The following CALHM5 variants were observed in gnomAD, a reference collection of about 807,000 sequenced individuals.
CALHM5 encodes the protein calcium homeostasis modulator protein 5.
Under a neutral mutation model 20.9 loss-of-function variants are expected in CALHM5, and 17 were observed. The ratio of observed to expected loss-of-function variants is 0.82; its 90% confidence interval spans 0.56 to 1.22. The LOEUF is 1.22. Ranked by LOEUF, CALHM5 falls within the 50% of genes most tolerant of loss-of-function variation. The probability of loss-of-function intolerance (pLI) is 0.00; values close to 1 mark genes in which losing one functional copy is unlikely to be tolerated. For missense variants in CALHM5, 360 were observed against 364.6 expected, an observed-to-expected ratio of 0.99 and a Z score of 0.10; for synonymous variants, 148 against 140.0, an observed-to-expected ratio of 1.06 and a Z score of -0.40.
intron 1 of CALHM5, 109 bp from the exon 2 acceptor site, chr6:116,515,491 G>A (rs1221007100): frequency 5.4e-6 from 6 of 1,108,298 alleles, no homozygotes; most frequent in African/African-American, 1.6e-5. Flanking sequence ...TTCAAATGAG[G>A]TATGTCAAAG....
chr6:116,514,063 A>G (rs1203047529), intron 1 of CALHM5, among the ~76,000 whole-genome samples: 1 of 152,202 alleles, frequency 6.6e-6, no homozygotes, highest in African/African-American at 2.4e-5. Flanking sequence ...CAATGAGGAA[A>G]ACTGCCATGG....
At chr6:116,514,566 C>T (rs543275373) in intron 1 of CALHM5, among the ~76,000 whole-genome samples, 24 of 152,278 alleles carry the variant, frequency 1.6e-4, no homozygotes, top group Middle Eastern at 3.4e-3. Context: ...GAGTAACCCT[C>T]GTTTCACAAG....
rs200089126 is a variant in CALHM5 at position 116,515,832 on chromosome 6, C to T, written c.773C>T (p.Thr258Met). 555 of 1,613,956 alleles carry T rather than the reference C, an allele frequency of 3.4e-4. No homozygotes were observed. The highest frequency in any genetic ancestry group is 1.3e-3 in the Middle Eastern group (8 of 6,060). Reference sequence around the variant, plus strand: ...AGGCCAGATCCTTTTCCCATGCCTACGTTTGCTGCCTGGGAGGCTGCTTCA... The same window carrying T: ...AGGCCAGATCCTTTTCCCATGCCTATGTTTGCTGCCTGGGAGGCTGCTTCA... ...NKRPDPFPMP[T>M]FAAWEAASEL... The change falls in exon 2 of 2, where the codon ACG becomes ATG. Residue 258 changes from threonine (T) to methionine (M), a missense_variant. Transcript: ENST00000368599.
At chr6:116,512,278 C>A in intron 1 of CALHM5, 42 bp downstream of exon 1, 1 of 1,550,548 alleles carries the variant, frequency 6.4e-7, no homozygotes, top group South Asian at 1.2e-5. Context: ...AGCATGAGCT[C>A]GAAGTATTCT....
chr6:116,515,557 G>A (rs881863), intron 1 of CALHM5, 43 bp from the exon 2 acceptor site: 682,801 of 1,546,160 alleles, frequency 0.44, 155,244 homozygotes, highest in Admixed American at 0.57. Flanking sequence ...TCCCTAAATG[G>A]CTTTGCTTTC....
chr6:116,511,914 C>G lies in CALHM5; in HGVS notation c.218C>G (p.Ser73Trp), dbSNP rs748229444. 56 of 1,613,846 alleles carry G rather than the reference C, an allele frequency of 3.5e-5. No individual in the cohort carries two copies. Among genetic ancestry groups the G allele is most frequent in the Admixed American group, 1.5e-4 (9 of 59,950 alleles). ...LILGFFLNNR[S>W]WRLFTGCCVN... ...CTGGGATTCTTTCTGAACAATAGGT[C>G]GTGGAGACTCTTCACAGGCTGCTGT... Residue 73 changes from serine (S) to tryptophan (W), a missense_variant, in exon 1 of 2, where the codon TCG becomes TGG. Physicochemically the swap from Ser to Trp is radical, Grantham distance 177. Transcript: ENST00000368599.
rs1302451304 is a variant in CALHM5, at chr6:116,520,000, A to T, written c.*4011A>T. On this transcript the variant is annotated 3_prime_UTR_variant, in exon 2 of 2. Coordinates refer to ENST00000368599, the MANE Select transcript of CALHM5 (RefSeq NM_153711.5). ...AATAAGGCATGGCAGACAAATCACTACATAATTCTATGCATTATACCTTAA... is the reference window on the plus strand; with the variant it reads ...AATAAGGCATGGCAGACAAATCACTTCATAATTCTATGCATTATACCTTAA... The T allele has an allele frequency of 6.6e-6, 1 of 152,226 alleles. No individual in the cohort carries two copies. Among genetic ancestry groups the T allele is most frequent in the Non-Finnish European group, 1.5e-5 (1 of 68,032 alleles). 9.4% of individuals were successfully genotyped at this position (152,226 alleles called of 1,614,324 possible).
chr6:116,515,884 G>A lies in CALHM5; in HGVS notation c.825G>A (p.Gln275=). 6.2e-7 allele frequency: 1 copy of A among 1,613,968 alleles called. No individual in the cohort carries two copies. The highest frequency in any genetic ancestry group is 8.5e-7 in the Non-Finnish European group (1 of 1,179,924). Residue 275 remains glutamine, a synonymous_variant, in exon 2 of 2, where the codon CAG becomes CAA. Transcript: ENST00000368599. ...ASELHSFHQS[Q]QHYSTLHRVV... is the part of the protein sequence containing the mutation. ...AGCTGCATTCTTTCCACCAAAGCCA[G>A]CAACACTATAGCACCCTCCACAGAG...
Position 116,516,110 on chromosome 6 carries a change from C to A in CALHM5, c.*121C>A. The A allele has an allele frequency of 7.6e-7, 1 of 1,321,764 alleles. No homozygotes were observed. The highest frequency in any genetic ancestry group is 2.8e-4 in the Middle Eastern group (1 of 3,602). 81.9% of individuals were successfully genotyped at this position (1,321,764 alleles called of 1,614,324 possible). A position where few individuals can be genotyped will look rare whatever the true frequency, so the allele number is the denominator to read the frequency against. ...TTACATTTGGAGTATGTTTACAAGA[C>A]AATAACACAAAGGAAACTGCTTTGA... On this transcript the variant is annotated 3_prime_UTR_variant, in exon 2 of 2. Transcript: ENST00000368599.
At position 116,516,672 on chromosome 6, in the gene CALHM5, T is replaced by G. The variant is rs1324998099; in HGVS notation, c.*683T>G. 2.1e-5 allele frequency: 1 copy of G among 48,314 alleles called. No homozygotes were observed. Among genetic ancestry groups the G allele is most frequent in the African/African-American group, 6.4e-5 (1 of 15,622 alleles). 3.0% of individuals were successfully genotyped at this position (48,314 alleles called of 1,614,324 possible). ...AATAGTAGTAACAAATATATATATA[T>G]ATATATATATATATATATATATATA... On this transcript the variant is annotated 3_prime_UTR_variant, in exon 2 of 2. Transcript: ENST00000368599.
In CALHM5 at chr6:116,517,703, A is replaced by G. The variant is rs1051364352; in HGVS notation, c.*1714A>G. The G allele has an allele frequency of 2.6e-5, 4 of 152,164 alleles. No individual in the cohort carries two copies. Among genetic ancestry groups the G allele is most frequent in the African/African-American group, 9.7e-5 (4 of 41,448 alleles). The allele number at this position is 152,164 out of a possible 1,614,324, so 9.4% of individuals were successfully genotyped here. On this transcript the variant is annotated 3_prime_UTR_variant, in exon 2 of 2. Transcript: ENST00000368599. ...GGACCTCCCAAGTGATGTGTCTGGT[A>G]GTACGCGAATGAGATGACTGATAGT...
chr6:116,516,108 G>C lies in CALHM5; in HGVS notation c.*119G>C. 1.5e-6 allele frequency: 2 copies of C among 1,347,220 alleles called. No individual in the cohort carries two copies. Among genetic ancestry groups the C allele is most frequent in the Non-Finnish European group, 2.0e-6 (2 of 1,011,214 alleles). 83.5% of individuals were successfully genotyped at this position (1,347,220 alleles called of 1,614,324 possible). A position where few individuals can be genotyped will look rare whatever the true frequency, so the allele number is the denominator to read the frequency against. On this transcript the variant is annotated 3_prime_UTR_variant, in exon 2 of 2. Transcript: ENST00000368599. ...TCTTACATTTGGAGTATGTTTACAAGACAATAACACAAAGGAAACTGCTTT... is the reference window on the plus strand; with the variant it reads ...TCTTACATTTGGAGTATGTTTACAACACAATAACACAAAGGAAACTGCTTT...
chr6:116,516,027 T>C lies in CALHM5; in HGVS notation c.*38T>C. On this transcript the variant is annotated 3_prime_UTR_variant, in exon 2 of 2. Transcript: ENST00000368599. ...CAATGACTCATGGTGTTGAGTGGCA[T>C]GCTCATTCTGTGATCCTCCTAACGT... 6.5e-7 allele frequency: 1 copy of C among 1,538,284 alleles called. No individual in the cohort carries two copies. Among genetic ancestry groups the C allele is most frequent in the Non-Finnish European group, 8.8e-7 (1 of 1,141,402 alleles).
chr6:116,513,899 C>T (rs1184197644), intron 1 of CALHM5, among the ~76,000 whole-genome samples: 1 of 152,150 alleles, frequency 6.6e-6, no homozygotes, highest in East Asian at 1.9e-4. Context: ...CAATCACCAG[C>T]TATGTGACCT....
At chr6:116,513,704 A>G (rs1369993002) in intron 1 of CALHM5, among the ~76,000 whole-genome samples, 1 of 152,220 alleles carries the variant, frequency 6.6e-6, no homozygotes, top group Non-Finnish European at 1.5e-5. Flanking sequence ...GGCAGGAGGC[A>G]GCATATAGTC....
Position 116,516,811 on chromosome 6 carries a change from A to G in CALHM5, c.*822A>G, listed in dbSNP as rs1772238104. The stretch of plus-strand genomic sequence containing the variant: ...TTATGTATTTTCTTCTGATTTTAAA[A>G]GAAATTAAAAACATTTTAGTGGGCC... On this transcript the variant is annotated 3_prime_UTR_variant, in exon 2 of 2. Coordinates refer to ENST00000368599, the MANE Select transcript of CALHM5 (RefSeq NM_153711.5). The G allele has an allele frequency of 6.6e-6, 1 of 151,818 alleles. No individual in the cohort carries two copies. The highest frequency in any genetic ancestry group is 1.5e-5 in the Non-Finnish European group (1 of 67,966). The allele number at this position is 151,818 out of a possible 1,614,324, so 9.4% of individuals were successfully genotyped here. A position where few individuals can be genotyped will look rare whatever the true frequency, so the allele number is the denominator to read the frequency against.
In CALHM5 at chr6:116,521,208, T is replaced by C. The variant is rs1052525057; in HGVS notation, c.*5219T>C. ...CAAATATATAACAAAATATATGTGCTATATATATTGTGTGTGTATATATAT... is the reference window on the plus strand; with the variant it reads ...CAAATATATAACAAAATATATGTGCCATATATATTGTGTGTGTATATATAT... On this transcript the variant is annotated 3_prime_UTR_variant, in exon 2 of 2. Coordinates refer to ENST00000368599, the MANE Select transcript of CALHM5 (RefSeq NM_153711.5). 1.3e-5 allele frequency: 2 copies of C among 152,062 alleles called. No homozygotes were observed. Among genetic ancestry groups the C allele is most frequent in the African/African-American group, 4.8e-5 (2 of 41,386 alleles). 9.4% of individuals were successfully genotyped at this position (152,062 alleles called of 1,614,324 possible). A position where few individuals can be genotyped will look rare whatever the true frequency, so the allele number is the denominator to read the frequency against.
In CALHM5 at chr6:116,522,051, C is replaced by G. The variant is rs939857733; in HGVS notation, c.*6062C>G. On this transcript the variant is annotated 3_prime_UTR_variant, in exon 2 of 2. Coordinates refer to ENST00000368599, the MANE Select transcript of CALHM5 (RefSeq NM_153711.5). ...TAAAAAGAGAGAGAGAGAGAGATCC[C>G]AATGGCTCCAATTGTCTCAGATATT... 6.6e-6 allele frequency: 1 copy of G among 152,132 alleles called. No individual in the cohort carries two copies. The highest frequency in any genetic ancestry group is 2.4e-5 in the African/African-American group (1 of 41,398). 9.4% of individuals were successfully genotyped at this position (152,132 alleles called of 1,614,324 possible). A position where few individuals can be genotyped will look rare whatever the true frequency, so the allele number is the denominator to read the frequency against.
chr6:116,511,915 G>A lies in CALHM5; in HGVS notation c.219G>A (p.Ser73=). 1 of 1,614,010 alleles carries A rather than the reference G, an allele frequency of 6.2e-7. No individual in the cohort carries two copies. Among genetic ancestry groups the A allele is most frequent in the Non-Finnish European group, 8.5e-7 (1 of 1,179,988 alleles). The change falls in exon 1 of 2, where the codon TCG becomes TCA. Residue 73 remains serine (S), a synonymous_variant. Coordinates refer to ENST00000368599, the MANE Select transcript of CALHM5 (RefSeq NM_153711.5). ...TGGGATTCTTTCTGAACAATAGGTC[G>A]TGGAGACTCTTCACAGGCTGCTGTG... ...LILGFFLNNR[S]WRLFTGCCVN...
Sources: gnomAD v4.1 joint callset for allele counts (sites outside exome capture counted in the v4.1 genomes callset) on GRCh38, gnomAD v4.1.1 for gene constraint, MANE v1.5 for transcripts, NCBI Gene and HGNC (gene_info 2026-07-23, HGNC 2026-07-21) for gene names.